The following ZKSCAN3 variants were observed in gnomAD, a reference collection of about 807,000 sequenced individuals.
ZKSCAN3 encodes the protein zinc finger protein with KRAB and SCAN domains 3.
Under a neutral mutation model 30.7 loss-of-function variants are expected in ZKSCAN3, and 21 were observed. That is an observed-to-expected ratio of 0.68 (90% CI 0.49 to 0.99). The LOEUF (loss-of-function observed/expected upper bound fraction) is 0.99. Among genes scored for constraint, ZKSCAN3 ranks in the 50% least tolerant of loss-of-function variants. ZKSCAN3 has a pLI of 0.00. For synonymous variants in ZKSCAN3, 201 were observed against 246.7 expected, an observed-to-expected ratio of 0.81 and a Z score of 1.73; for missense variants, 507 against 647.1, an observed-to-expected ratio of 0.78 and a Z score of 2.35.
At chr6:28,363,416 C>T (rs764653437) in intron 4 of ZKSCAN3, 31 bp downstream of exon 4, 15 of 1,593,986 alleles carry the variant, frequency 9.4e-6, no homozygotes, top group Non-Finnish European at 1.2e-5. Context: ...TCCCCCAATG[C>T]CCCTCACTAC....
chr6:28,363,424 T>A (rs1402981353), intron 4 of ZKSCAN3, 39 bp downstream of exon 4: 1 of 1,584,798 alleles, frequency 6.3e-7, no homozygotes, highest in Admixed American at 1.7e-5. Context: ...TGCCCCTCAC[T>A]ACTATTGAGC....
chr6:28,359,527 A>T lies in ZKSCAN3; in HGVS notation c.-60A>T. On this transcript the variant is annotated splice_region_variant and 5_prime_UTR_variant, in exon 2 of 6. Transcript: ENST00000252211. ...AATAATGATTTCCCACCTTTCAGGG[A>T]TCTTCTGCAGAAATAGCGCTGGAAG... 1.3e-6 allele frequency: 2 copies of T among 1,566,100 alleles called. No individual in the cohort carries two copies. Among genetic ancestry groups the T allele is most frequent in the Non-Finnish European group, 1.7e-6 (2 of 1,155,560 alleles).
chr6:28,356,601 C>T (rs35353359), intron 1 of ZKSCAN3, among the ~76,000 whole-genome samples: 7,668 of 152,354 alleles, frequency 0.05, 317 homozygotes, highest in Non-Finnish European at 0.088. Flanking sequence ...TTCTGGCAGA[C>T]CACTGGGTGA....
chr6:28,353,883 G>T (rs189664791), intron 1 of ZKSCAN3: 1 of 456,412 alleles, frequency 2.2e-6, no homozygotes, highest in Non-Finnish European at 4.4e-6. Context: ...CAAGTGTCAG[G>T]TTCCAGCCCA....
In ZKSCAN3 at chr6:28,366,006, G is replaced by A. The variant is rs757284916; in HGVS notation, c.1338G>A (p.Arg446=). 1.5e-5 allele frequency: 25 copies of A among 1,613,932 alleles called. No homozygotes were observed. The highest frequency in any genetic ancestry group is 2.1e-5 in the Non-Finnish European group (25 of 1,179,954). ...RRSSHLLRHQ[R]IHTGDKNVQE... is the part of the protein sequence containing the mutation. Reference sequence around the variant, plus strand: ...GTTCACATCTCCTGAGACATCAGAGGATCCATACTGGGGATAAAAATGTTC... The same window carrying A: ...GTTCACATCTCCTGAGACATCAGAGAATCCATACTGGGGATAAAAATGTTC... The change falls in exon 6 of 6, where the codon AGG becomes AGA. Residue 446 remains arginine, a synonymous_variant. Transcript: ENST00000252211.
At chr6:28,355,787 G>A (rs1765382904) in intron 1 of ZKSCAN3, 1 of 152,264 alleles carries the variant, frequency 6.6e-6, no homozygotes, top group African/African-American at 2.4e-5. Context: ...ACCCTCCCAC[G>A]AAGGCAAAGT....
chr6:28,360,031 C>G lies in ZKSCAN3; in HGVS notation c.402+43C>G, dbSNP rs752489363. The G allele has an allele frequency of 3.1e-6, 5 of 1,614,138 alleles. No individual in the cohort carries two copies. The East Asian group carries it at 1.1e-4, about 36-fold the overall frequency. On this transcript the variant is annotated intron_variant, in intron 2 of 5. Coordinates refer to ENST00000252211, the MANE Select transcript of ZKSCAN3 (RefSeq NM_024493.4). Reference sequence around the variant, plus strand: ...AGTATCTGAGCGCTGTGGCCTGTTTCCTCCTGAAATCCCAGATCAGAGTGA... The same window carrying G: ...AGTATCTGAGCGCTGTGGCCTGTTTGCTCCTGAAATCCCAGATCAGAGTGA...
At chr6:28,353,593 A>G (rs971678111) in intron 1 of ZKSCAN3, 6 of 272,062 alleles carry the variant, frequency 2.2e-5, no homozygotes, top group Non-Finnish European at 3.7e-5. Flanking sequence ...TTAGGAAGCA[A>G]GAAAATCACT....
intron 1 of ZKSCAN3, among the ~76,000 whole-genome samples, chr6:28,355,890 C>G (rs933665021): frequency 6.6e-6 from 1 of 152,186 alleles, no homozygotes; most frequent in African/African-American, 2.4e-5. Flanking sequence ...TGTCAAGTGG[C>G]CTATCAAATC....
Position 28,365,943 on chromosome 6 carries a change from G to A in ZKSCAN3, c.1275G>A (p.Pro425=), listed in dbSNP as rs770067973. The part of the protein sequence containing the change: ...EHHRIHTGEK[P]YQCSMCGKAF... ...ACAGAATCCACACTGGGGAGAAGCC[G>A]TATCAGTGCAGTATGTGTGGCAAAG... is the stretch of plus-strand genomic sequence containing the variant. Residue 425 remains proline (P), a synonymous_variant, in exon 6 of 6, where the codon CCG becomes CCA. Transcript: ENST00000252211. The A allele has an allele frequency of 1.5e-5, 24 of 1,613,940 alleles. No homozygotes were observed. The highest frequency in any genetic ancestry group is 1.6e-4 in the Middle Eastern group (1 of 6,062).
intron 1 of ZKSCAN3, among the ~76,000 whole-genome samples, chr6:28,358,709 C>A (rs1268638566): frequency 1.3e-5 from 2 of 151,738 alleles, no homozygotes; most frequent in Non-Finnish European, 2.9e-5. Flanking sequence ...CATGGTGAAA[C>A]CCCAGCTCTA....
chr6:28,356,425 C>T (rs1334686109), intron 1 of ZKSCAN3, among the ~76,000 whole-genome samples: 6 of 152,168 alleles, frequency 3.9e-5, no homozygotes, highest in South Asian at 2.1e-4. Context: ...TCCTTTGTCC[C>T]GGAGAGACAG....
intron 5 of ZKSCAN3, among the ~76,000 whole-genome samples, chr6:28,365,081 G>A (rs1581741941): frequency 6.6e-6 from 1 of 151,834 alleles, no homozygotes; most frequent in Non-Finnish European, 1.5e-5. Flanking sequence ...AATCCTAGGT[G>A]CATGGCCCTG....
rs1166031107 is a variant in ZKSCAN3, at chr6:28,366,003, G to A, written c.1335G>A (p.Gln445=). 5.0e-6 allele frequency: 8 copies of A among 1,614,044 alleles called. No individual in the cohort carries two copies. The highest frequency in any genetic ancestry group is 6.8e-6 in the Non-Finnish European group (8 of 1,180,004). Residue 445 remains glutamine (Q), a synonymous_variant, in exon 6 of 6, where the codon CAG becomes CAA. Transcript: ENST00000252211. Reference sequence around the variant, plus strand: ...GAAGTTCACATCTCCTGAGACATCAGAGGATCCATACTGGGGATAAAAATG... The same window carrying A: ...GAAGTTCACATCTCCTGAGACATCAAAGGATCCATACTGGGGATAAAAATG... ...FRRSSHLLRH[Q]RIHTGDKNVQ...
intron 5 of ZKSCAN3, 100 bp downstream of exon 5, chr6:28,363,915 G>C (rs1765860345): frequency 1.4e-6 from 2 of 1,457,174 alleles, no homozygotes; most frequent in Admixed American, 4.0e-5. Flanking sequence ...TGTTATGTTT[G>C]GATTCACAAT....
intron 2 of ZKSCAN3, 166 bp downstream of exon 2, chr6:28,360,154 A>ATT: frequency 4.1e-6 from 5 of 1,205,046 alleles, no homozygotes; most frequent in Non-Finnish European, 4.6e-6. Context: ...TCTCAGAATA[A>ATT]TTTTTTTTTT....
At chr6:28,354,762 C>T (rs1765313661) in intron 1 of ZKSCAN3, among the ~76,000 whole-genome samples, 1 of 152,240 alleles carries the variant, frequency 6.6e-6, no homozygotes, top group Admixed American at 6.5e-5. Flanking sequence ...TACTGTTTGT[C>T]CCCATACCTG....
Position 28,359,978 on chromosome 6 carries a change from C to G in ZKSCAN3, c.392C>G (p.Pro131Arg). Residue 131 changes from proline (P) to arginine (R), a missense_variant, in exon 2 of 6, where the codon CCG becomes CGG. By Grantham distance (103) the Pro-to-Arg change is moderately radical. Coordinates refer to ENST00000252211, the MANE Select transcript of ZKSCAN3 (RefSeq NM_024493.4). ...TATTTGGAGAGGCAGCTGGATGAGC[C>G]GGCGCCGCAGGTAGAAAGAACAGGT... ...LEYLERQLDE[P>R]APQVSGVDQG... The G allele has an allele frequency of 6.2e-7, 1 of 1,614,092 alleles. No individual in the cohort carries two copies. Among genetic ancestry groups the G allele is most frequent in the Non-Finnish European group, 8.5e-7 (1 of 1,180,010 alleles).
intron 5 of ZKSCAN3, among the ~76,000 whole-genome samples, chr6:28,364,162 G>T (rs1765868879): frequency 6.6e-6 from 1 of 152,072 alleles, no homozygotes. Context: ...TTTTTGTCGA[G>T]ATAGAGTTTT....
Sources: gnomAD v4.1 joint callset for allele counts (sites outside exome capture counted in the v4.1 genomes callset) on GRCh38, gnomAD v4.1.1 for gene constraint, MANE v1.5 for transcripts, NCBI Gene and HGNC (gene_info 2026-07-23, HGNC 2026-07-21) for gene names.